Variants in SBF2 observed in about 807,000 individuals in gnomAD.
SBF2 encodes the protein myotubularin-related protein 13.
A neutral mutation model predicts 225.2 loss-of-function variants in SBF2; 112 were observed. The observed-to-expected ratio is 0.50, with a 90% confidence interval of 0.43 to 0.58. SBF2 has a LOEUF of 0.58. Among genes scored for constraint, SBF2 ranks in the 20% least tolerant of loss-of-function variants. The pLI, the probability that SBF2 is intolerant of heterozygous loss-of-function variation, is 0.00. For missense variants in SBF2, 1,996 were observed against 2,206.2 expected (o/e 0.90, Z 1.91); for synonymous variants, 763 against 773.3 (o/e 0.99, Z 0.22).
At chr11:10,027,329 C>T (rs1949088827) in intron 6 of SBF2, among the ~76,000 whole-genome samples, 1 of 152,130 alleles carries the variant, frequency 6.6e-6, no homozygotes. Flanking sequence ...TATTAGAAGA[C>T]TCTATTTATA....
intron 33 of SBF2, among the ~76,000 whole-genome samples, chr11:9,795,248 G>A (rs1015604588): frequency 2.0e-5 from 3 of 152,136 alleles, no homozygotes; most frequent in Admixed American, 6.5e-5. Flanking sequence ...TTTATTGAGC[G>A]CTTACTATGC....
At chr11:10,175,906 A>G (rs1726616756) in intron 2 of SBF2, among the ~76,000 whole-genome samples, 1 of 151,902 alleles carries the variant, frequency 6.6e-6, no homozygotes, top group African/African-American at 2.4e-5. Context: ...CGGCTCCTGA[A>G]TGACTACTGG....
intron 2 of SBF2, among the ~76,000 whole-genome samples, chr11:10,064,687 G>T (rs1046836449): frequency 1.3e-5 from 2 of 152,104 alleles, no homozygotes; most frequent in African/African-American, 4.8e-5. Context: ...ACAGGAAGAA[G>T]ACATTTTATA....
intron 16 of SBF2, among the ~76,000 whole-genome samples, chr11:9,954,095 G>A (rs1866011845): frequency 6.6e-6 from 1 of 152,124 alleles, no homozygotes; most frequent in Non-Finnish European, 1.5e-5. Flanking sequence ...GGTAGGAATA[G>A]TCTATAACCT....
chr11:9,854,506 A>C (rs1857179056), intron 19 of SBF2, among the ~76,000 whole-genome samples: 2 of 152,210 alleles, frequency 1.3e-5, no homozygotes, highest in African/African-American at 2.4e-5. Flanking sequence ...TGTTAAAGTA[A>C]AGCTAAGCAG....
intron 2 of SBF2, among the ~76,000 whole-genome samples, chr11:10,073,049 C>T (rs1181787199): frequency 6.6e-6 from 1 of 152,058 alleles, no homozygotes; most frequent in Non-Finnish European, 1.5e-5. Context: ...TGAGTCATCG[C>T]ACCCAGTGGT....
chr11:10,085,462 C>T (rs1043972385), intron 2 of SBF2, among the ~76,000 whole-genome samples: 1 of 152,088 alleles, frequency 6.6e-6, no homozygotes, highest in Admixed American at 6.6e-5. Context: ...ATGTTTATTT[C>T]AATGACTGTA....
At chr11:9,817,785 T>G (rs1854537183) in intron 28 of SBF2, among the ~76,000 whole-genome samples, 1 of 146,134 alleles carries the variant, frequency 6.8e-6, no homozygotes, top group Non-Finnish European at 1.5e-5. Flanking sequence ...AAGACACCTG[T>G]ATTGGGAGGC....
At chr11:9,853,739 G>A (rs1030820847) in intron 19 of SBF2, 27 bp from the exon 20 acceptor site, 1 of 1,607,034 alleles carries the variant, frequency 6.2e-7, no homozygotes, top group African/African-American at 1.3e-5. Context: ...AAGAAATCAT[G>A]GTCAGTACTT....
intron 1 of SBF2, among the ~76,000 whole-genome samples, chr11:10,270,994 CAAA>C (rs1180184303): frequency 7.6e-4 from 21 of 27,684 alleles, no homozygotes; most frequent in African/African-American, 1.7e-3. Context: ...GACTCTGTCT[CAAA>C]AAAAAAAAAA....
intron 14 of SBF2, among the ~76,000 whole-genome samples, chr11:9,967,971 C>CTCTCTATA (rs1260685462): frequency 8.7e-5 from 8 of 91,508 alleles, no homozygotes; most frequent in Admixed American, 1.3e-4. Context: ...CTCTCTCTCT[C>CTCTCTATA]TATATATATA....
chr11:10,075,899 G>T (rs1368025288), intron 2 of SBF2, among the ~76,000 whole-genome samples: 1 of 146,238 alleles, frequency 6.8e-6, no homozygotes, highest in Non-Finnish European at 1.5e-5. Context: ...ATTTCTGGTA[G>T]TTTTTTTTTT....
intron 2 of SBF2, among the ~76,000 whole-genome samples, chr11:10,143,392 G>T (rs1267865703): frequency 6.6e-6 from 1 of 152,040 alleles, no homozygotes; most frequent in Non-Finnish European, 1.5e-5. Context: ...GGCTGGTCTC[G>T]AACTCCTGAC....
intron 2 of SBF2, among the ~76,000 whole-genome samples, chr11:10,158,809 G>A (rs924141941): frequency 1.3e-5 from 2 of 152,168 alleles, no homozygotes; most frequent in Non-Finnish European, 2.9e-5. Flanking sequence ...ATCATCCCCA[G>A]TAGGATTTAT....
chr11:10,127,400 C>T (rs1953806687), intron 2 of SBF2, among the ~76,000 whole-genome samples: 5 of 152,048 alleles, frequency 3.3e-5, no homozygotes, highest in Admixed American at 3.3e-4. Flanking sequence ...GTCTTAACCT[C>T]ACAATATTCT....
chr11:10,215,656 G>T (rs1958102167), intron 1 of SBF2, among the ~76,000 whole-genome samples: 1 of 120,206 alleles, frequency 8.3e-6, no homozygotes, highest in South Asian at 2.8e-4. Flanking sequence ...TACCTCTTAT[G>T]ATTCTGAACT....
intron 2 of SBF2, among the ~76,000 whole-genome samples, chr11:10,097,427 G>A (rs1434800838): frequency 2.0e-5 from 3 of 152,136 alleles, no homozygotes; most frequent in Non-Finnish European, 4.4e-5. Flanking sequence ...GTAAAAACGA[G>A]GCAGTGAAAC....
At chr11:10,005,277 G>C (rs1221141907) in intron 6 of SBF2, among the ~76,000 whole-genome samples, 1 of 152,148 alleles carries the variant, frequency 6.6e-6, no homozygotes, top group Non-Finnish European at 1.5e-5. Context: ...AAGGAAGAAA[G>C]CCTCCAGTGA....
chr11:9,882,866 C>T (rs1002724846), intron 17 of SBF2, among the ~76,000 whole-genome samples: 1 of 147,782 alleles, frequency 6.8e-6, no homozygotes, highest in Non-Finnish European at 1.5e-5. Flanking sequence ...ATCAATATTT[C>T]TTTTAAGCCA....
Sources: gnomAD v4.1 joint callset for allele counts (sites outside exome capture counted in the v4.1 genomes callset) on GRCh38, gnomAD v4.1.1 for gene constraint, MANE v1.5 for transcripts, NCBI Gene and HGNC (gene_info 2026-07-23, HGNC 2026-07-21) for gene names.